The following FAM184A variants were observed in gnomAD, a reference collection of about 807,000 sequenced individuals.
The protein encoded by FAM184A is protein FAM184A.
In FAM184A, 99 loss-of-function variants were observed where a neutral mutation model predicts 143.8. That is an observed-to-expected ratio of 0.69 (90% CI 0.58 to 0.81). FAM184A has a LOEUF of 0.81. Among genes scored for constraint, FAM184A ranks in the 40% least tolerant of loss-of-function variants. The pLI is 0.00. For synonymous variants in FAM184A, 427 were observed against 446.4 expected, an observed-to-expected ratio of 0.96 and a Z score of 0.55; for missense variants, 1,217 against 1,310.5, an observed-to-expected ratio of 0.93 and a Z score of 1.10.
At chr6:119,083,261 C>G (rs548674802), upstream of FAM184A, among the ~76,000 whole-genome samples, 10 of 152,328 alleles carry the variant, frequency 6.6e-5, no homozygotes, top group African/African-American at 2.2e-4. Context: ...GAGGGGCCAC[C>G]AGGAAGATCT....
intron 1 of FAM184A, among the ~76,000 whole-genome samples, chr6:119,097,457 C>G (rs552289294): frequency 1.3e-5 from 2 of 152,116 alleles, no homozygotes; most frequent in African/African-American, 4.8e-5. Flanking sequence ...CAGATTTCAC[C>G]CAAAAGTGGA....
At chr6:119,051,751 A>C (rs1014893884) in intron 1 of FAM184A, among the ~76,000 whole-genome samples, 1 of 152,216 alleles carries the variant, frequency 6.6e-6, no homozygotes, top group Non-Finnish European at 1.5e-5. Context: ...AGGTAAAATA[A>C]GAGGGCTATA....
chr6:119,061,470 C>T (rs1245529528), intron 1 of FAM184A, among the ~76,000 whole-genome samples: 1 of 151,472 alleles, frequency 6.6e-6, no homozygotes, highest in Admixed American at 6.6e-5. Flanking sequence ...ATCCTCCTGC[C>T]TCAGCCTCCT....
intron 9 of FAM184A, among the ~76,000 whole-genome samples, chr6:118,981,031 C>T (rs1322755899): frequency 1.3e-5 from 2 of 152,156 alleles, no homozygotes; most frequent in African/African-American, 4.8e-5. Flanking sequence ...AAACGTCCCA[C>T]AATCTTTTAT....
At chr6:119,036,456 T>C (rs1416456144) in intron 1 of FAM184A, among the ~76,000 whole-genome samples, 1 of 152,160 alleles carries the variant, frequency 6.6e-6, no homozygotes, top group East Asian at 1.9e-4. Context: ...CCTCGCTGTA[T>C]GATTCTATAA....
intron 1 of FAM184A, among the ~76,000 whole-genome samples, chr6:119,060,882 G>C (rs141235985): frequency 2.0e-5 from 3 of 152,152 alleles, no homozygotes; most frequent in African/African-American, 7.2e-5. Flanking sequence ...AGCAGAAGCC[G>C]ATGTGCTTCT....
At chr6:118,962,033 AGAT>A in intron 16 of FAM184A, 70 bp from the exon 17 acceptor site, 1 of 1,504,676 alleles carries the variant, frequency 6.6e-7, no homozygotes, top group South Asian at 1.2e-5. Context: ...GAATGGTAGA[AGAT>A]AGAAATTTGG....
intron 1 of FAM184A, among the ~76,000 whole-genome samples, chr6:119,067,534 G>A (rs933437900): frequency 6.6e-5 from 10 of 152,066 alleles, no homozygotes; most frequent in African/African-American, 2.4e-4. Flanking sequence ...CCTTTGTTCA[G>A]GCATGAGTTA....
chr6:119,043,632 C>T (rs946126069), intron 1 of FAM184A, among the ~76,000 whole-genome samples: 1 of 152,156 alleles, frequency 6.6e-6, no homozygotes, highest in Non-Finnish European at 1.5e-5. Context: ...TACCCCTGCC[C>T]CACCTCGGCA....
At chr6:118,985,788 T>C (rs138148624) in intron 9 of FAM184A, among the ~76,000 whole-genome samples, 4 of 152,208 alleles carry the variant, frequency 2.6e-5, no homozygotes, top group African/African-American at 9.6e-5. Flanking sequence ...TATAAAACAT[T>C]AAAAACTGCT....
rs1205653263 is a variant in FAM184A, at chr6:119,024,784, A to G, written c.189T>C (p.Asp63=). 1.2e-6 allele frequency: 2 copies of G among 1,610,318 alleles called. No individual in the cohort carries two copies. The highest frequency in any genetic ancestry group is 1.7e-4 in the Middle Eastern group (1 of 6,046). Residue 63 remains aspartate, a synonymous_variant, in exon 2 of 18, where the codon GAT becomes GAC. Coordinates refer to ENST00000338891, the MANE Select transcript of FAM184A (RefSeq NM_024581.6). ...GGGCTTGAATTGCAGATTCATGCTC[A>G]TCATTTTTAGTGTTTAAAGCATATA... ...KVIYALNTKN[D]EHESAIQALK... is the part of the protein sequence containing the mutation.
chr6:119,144,358 T>C (rs976201750), intron 1 of FAM184A, among the ~76,000 whole-genome samples: 1 of 137,496 alleles, frequency 7.3e-6, no homozygotes, highest in African/African-American at 2.7e-5. Flanking sequence ...AAAAAGAAAA[T>C]ATTTTTTCTG....
At chr6:118,990,425 T>C (rs138603341) in intron 9 of FAM184A, among the ~76,000 whole-genome samples, 6 of 152,262 alleles carry the variant, frequency 3.9e-5, no homozygotes, top group Admixed American at 1.3e-4. Flanking sequence ...CATGAAAATA[T>C]TGAATCCAAT....
chr6:119,104,707 T>C (rs1362368016), intron 1 of FAM184A, among the ~76,000 whole-genome samples: 1 of 152,222 alleles, frequency 6.6e-6, no homozygotes, highest in Non-Finnish European at 1.5e-5. Context: ...TAAAATTAAA[T>C]GGCTCTTCAC....
intron 9 of FAM184A, among the ~76,000 whole-genome samples, chr6:118,996,897 G>A (rs997983540): frequency 1.9e-5 from 2 of 107,418 alleles, no homozygotes; most frequent in Non-Finnish European, 3.8e-5. Flanking sequence ...TTTTTTTTTT[G>A]TACTTTTTGT....
intron 1 of FAM184A, among the ~76,000 whole-genome samples, chr6:119,114,316 T>C (rs964149874): frequency 6.6e-6 from 1 of 152,192 alleles, no homozygotes; most frequent in African/African-American, 2.4e-5. Flanking sequence ...AGTGTTTTAT[T>C]TGGCAACCCT....
upstream of FAM184A, among the ~76,000 whole-genome samples, chr6:119,083,135 C>T (rs2114809362): frequency 6.6e-6 from 1 of 152,318 alleles, no homozygotes; most frequent in Admixed American, 6.5e-5. Context: ...ACGTTGGTCC[C>T]TTTTAGCCAC....
intron 9 of FAM184A, among the ~76,000 whole-genome samples, chr6:119,002,092 G>A (rs1262739623): frequency 2.0e-5 from 3 of 152,130 alleles, no homozygotes; most frequent in African/African-American, 4.8e-5. Flanking sequence ...GACACTGCAT[G>A]TATGTAGCTA....
At chr6:119,105,781 C>G (rs1217193669) in intron 1 of FAM184A, among the ~76,000 whole-genome samples, 1 of 152,126 alleles carries the variant, frequency 6.6e-6, no homozygotes, top group Non-Finnish European at 1.5e-5. Flanking sequence ...CTTGCCCTTT[C>G]AATAATAGAA....
Sources: allele counts gnomAD v4.1 joint callset (sites outside exome capture counted in the v4.1 genomes callset), GRCh38; gene constraint gnomAD v4.1.1; transcripts MANE v1.5; gene names NCBI Gene and HGNC (gene_info 2026-07-23, HGNC 2026-07-21).